The following COL7A1 variants were observed in gnomAD, a reference collection of about 807,000 sequenced individuals.
The protein encoded by COL7A1 is collagen type VII alpha 1 chain.
Under a neutral mutation model 456.2 loss-of-function variants are expected in COL7A1, and 296 were observed. The observed-to-expected ratio is 0.65, with a 90% CI of 0.59 to 0.71. COL7A1 has a LOEUF of 0.71. Among genes scored for constraint, COL7A1 ranks in the 30% least tolerant of loss-of-function variants. The pLI, the probability that COL7A1 is intolerant of heterozygous loss-of-function variation, is 0.00. For synonymous variants in COL7A1, 1,464 were observed against 1,525.9 expected, an observed-to-expected ratio of 0.96 and a Z score of 0.95; for missense variants, 3,441 against 4,017.2, an observed-to-expected ratio of 0.86 and a Z score of 3.88.
Position 48,594,357 on chromosome 3 carries a change from C to A in COL7A1, c.266+11G>T. Reference sequence around the variant, plus strand: ...ATCTCGTGGTCCCCAGCCCCCAGGGCCCCTACTCACCGTGGGTCATCGCTG... The same window carrying A: ...ATCTCGTGGTCCCCAGCCCCCAGGGACCCTACTCACCGTGGGTCATCGCTG... On this transcript the variant is annotated intron_variant, in intron 3 of 118. Coordinates refer to ENST00000681320, the MANE Select transcript of COL7A1 (RefSeq NM_000094.4). The surrounding 1 kb of genome is among the most constrained non-coding windows in gnomAD (Gnocchi z 5.5). 6.2e-7 allele frequency: 1 copy of A among 1,606,120 alleles called. No homozygotes were observed. The highest frequency in any genetic ancestry group is 8.5e-7 in the Non-Finnish European group (1 of 1,178,928).
In COL7A1 at chr3:48,575,260, G is replaced by A. The variant is rs1300449710; in HGVS notation, c.6181-18C>T. 2 of 1,613,910 alleles carry A rather than the reference G, an allele frequency of 1.2e-6. No individual in the cohort carries two copies. The highest frequency in any genetic ancestry group is 1.3e-5 in the African/African-American group (1 of 75,026). On this transcript the variant is annotated intron_variant, in intron 74 of 118. Transcript: ENST00000681320. The surrounding 1 kb of genome is among the most constrained non-coding windows in gnomAD (Gnocchi z 6.3). ...CGTTCTCCCTGAAATGCAAATAGCG[G>A]GTGAGGGCCAAGCCCATGGGGGGTC...
Position 48,567,929 on chromosome 3 carries a change from C to T in COL7A1, c.7876-38G>A, listed in dbSNP as rs1560196810. 3.7e-6 allele frequency: 6 copies of T among 1,613,282 alleles called. No individual in the cohort carries two copies. Among genetic ancestry groups the T allele is most frequent in the Non-Finnish European group, 5.1e-6 (6 of 1,179,264 alleles). On this transcript the variant is annotated intron_variant, in intron 106 of 118. Transcript: ENST00000681320. The surrounding 1 kb of genome is among the most constrained non-coding windows in gnomAD (Gnocchi z 4.3). ...AGCAGATGAAGAAGTGATTCCCAGA[C>T]ACCTCACTCTGTGACCCCCTTCACC...
In COL7A1 at chr3:48,565,298, G is replaced by A. The variant is rs921061602; in HGVS notation, c.8528-97C>T. The A allele has an allele frequency of 1.3e-5, 19 of 1,482,532 alleles. No homozygotes were observed. The highest frequency in any genetic ancestry group is 1.1e-4 in the South Asian group (9 of 85,126). 91.8% of individuals were successfully genotyped at this position (1,482,532 alleles called of 1,614,324 possible). ...CACTGTGTGCACACAGTGCCCATGC[G>A]TGTGCCCTGCATGCAGACCCTACGT... On this transcript the variant is annotated intron_variant, in intron 116 of 118. Transcript: ENST00000681320. The surrounding 1 kb of genome is among the most constrained non-coding windows in gnomAD (Gnocchi z 4.5).
rs2045696207 is a variant in COL7A1, at chr3:48,591,498, G to A, written c.1602C>T (p.Ala534=). The change falls in exon 13 of 119, where the codon GCC becomes GCT. Residue 534 remains alanine, a synonymous_variant. Coordinates refer to ENST00000681320, the MANE Select transcript of COL7A1 (RefSeq NM_000094.4). This position sits in a 1 kb window ranked among gnomAD's most constrained non-coding sequence, Gnocchi z 7.0. The part of the protein sequence containing the change: ...VRVSWSPVPG[A]TQYRIIVRST... ...TGCGCACAATGATGCGGTACTGGGTGGCACCAGGGACTGGGCTCCAGGACA... is the reference window on the plus strand; with the variant it reads ...TGCGCACAATGATGCGGTACTGGGTAGCACCAGGGACTGGGCTCCAGGACA... 1 of 1,613,934 alleles carries A rather than the reference G, an allele frequency of 6.2e-7. No individual in the cohort carries two copies. Among genetic ancestry groups the A allele is most frequent in the Admixed American group, 1.7e-5 (1 of 60,008 alleles).
intron 33 of COL7A1, 30 bp from the exon 34 acceptor site, chr3:48,584,975 C>T (rs565315115): frequency 7.4e-6 from 12 of 1,613,664 alleles, no homozygotes; most frequent in Middle Eastern, 1.7e-4. Context: ...GCAGAACAGT[C>T]GGAGCCACCC....
rs770947487 is a variant in COL7A1, at chr3:48,568,118, A to G, written c.7847T>C (p.Val2616Ala). The part of the protein sequence containing the change: ...VPGIRGEKGD[V>A]GFMGPRGLKG... Reference sequence around the variant, plus strand: ...GAGGCCCCGGGGACCCATGAAGCCAACATCTCCTTTTTCTCCTCGGATACC... The same window carrying G: ...GAGGCCCCGGGGACCCATGAAGCCAGCATCTCCTTTTTCTCCTCGGATACC... The change falls in exon 106 of 119, where the codon GTT (valine) becomes GCT (alanine). Residue 2616 changes from valine (V) to alanine (A), a missense_variant. By Grantham distance (64) the Val-to-Ala change is moderately conservative. Coordinates refer to ENST00000681320, the MANE Select transcript of COL7A1 (RefSeq NM_000094.4). The surrounding 1 kb of genome is among the most constrained non-coding windows in gnomAD (Gnocchi z 5.2). 3.1e-6 allele frequency: 5 copies of G among 1,614,074 alleles called. No individual in the cohort carries two copies. The African/African-American group carries it at 4.0e-5, about 13-fold the overall frequency.
rs1575442301 is a variant in COL7A1 at position 48,576,249 on chromosome 3, CG to C, written c.5819del (p.Pro1940ArgfsTer65). On this transcript the variant is annotated frameshift_variant and splice_region_variant, in exon 71 of 119. Transcript: ENST00000681320. LOFTEE classifies it high-confidence loss of function. The stretch of plus-strand genomic sequence containing the variant: ...AGGGGACATCCCAAGCCTGGCTCAC[CG>C]GCACACTTCCAGGCTCTCCTCGCAG... ...RGLRGEPGSV[P>X]NVDRLLETAG... 1.2e-6 allele frequency: 2 copies of C among 1,613,666 alleles called. No homozygotes were observed. The highest frequency in any genetic ancestry group is 4.5e-5 in the East Asian group (2 of 44,868).
In COL7A1 at chr3:48,578,031, G is replaced by C. The variant is rs2044440310; in HGVS notation, c.5532+290C>G. 6.6e-6 allele frequency among the ~76,000 whole-genome samples: 1 copy of C among 152,210 alleles called. No homozygotes were observed. ...AATACAAAATTAGCCAGGCATGGTG[G>C]CGCATGCCTGTAATCCCAGTTACTC... On this transcript the variant is annotated intron_variant, in intron 65 of 118. Coordinates refer to ENST00000681320, the MANE Select transcript of COL7A1 (RefSeq NM_000094.4). This position sits in a 1 kb window ranked among gnomAD's most constrained non-coding sequence, Gnocchi z 4.7.
rs2107748028 is a variant in COL7A1, at chr3:48,586,309, T to C, written c.3550+23A>G. ...AGGGCCACCCCTATTCCCAGACCCCTTCCCCATCAGCCTACTCCTTACCAG... is the reference window on the plus strand; with the variant it reads ...AGGGCCACCCCTATTCCCAGACCCCCTCCCCATCAGCCTACTCCTTACCAG... On this transcript the variant is annotated intron_variant, in intron 27 of 118. Coordinates refer to ENST00000681320, the MANE Select transcript of COL7A1 (RefSeq NM_000094.4). The surrounding 1 kb of genome is among the most constrained non-coding windows in gnomAD (Gnocchi z 5.1). 1 of 1,613,802 alleles carries C rather than the reference T, an allele frequency of 6.2e-7. No individual in the cohort carries two copies.
In COL7A1 at chr3:48,580,448, G is replaced by A. The variant is rs558077868; in HGVS notation, c.5053-104C>T. The A allele has an allele frequency of 1.6e-4, 234 of 1,474,606 alleles. 1 individual carries two copies. The highest frequency in any genetic ancestry group is 1.6e-3 in the South Asian group (134 of 84,718). 91.3% of individuals were successfully genotyped at this position (1,474,606 alleles called of 1,614,324 possible). ...GGGAATGTTGGTAGCCTTCAGATGC[G>A]TGTGTGCAGGGGTCAAAGGAAGTGA... On this transcript the variant is annotated intron_variant, in intron 55 of 118. Transcript: ENST00000681320. This position sits in a 1 kb window ranked among gnomAD's most constrained non-coding sequence, Gnocchi z 4.5.
rs1253208996 is a variant in COL7A1 at position 48,581,351 on chromosome 3, G to C, written c.4819-11C>G. ...AGGCCCTGAGTCACCCTGTGGAGGA[G>C]GCAAGAGGGAGGTGATGCAGGACGC... On this transcript the variant is annotated splice_polypyrimidine_tract_variant and intron_variant, in intron 51 of 118. Transcript: ENST00000681320. The surrounding 1 kb of genome is among the most constrained non-coding windows in gnomAD (Gnocchi z 5.8). 6.2e-7 allele frequency: 1 copy of C among 1,613,796 alleles called. No homozygotes were observed. Among genetic ancestry groups the C allele is most frequent in the South Asian group, 1.1e-5 (1 of 91,082 alleles).
Position 48,587,300 on chromosome 3 carries a change from G to A in COL7A1, c.3029C>T (p.Ser1010Leu), listed in dbSNP as rs762954932. The A allele has an allele frequency of 6.2e-7, 1 of 1,604,650 alleles. No individual in the cohort carries two copies. The highest frequency in any genetic ancestry group is 2.3e-5 in the East Asian group (1 of 44,412). The change falls in exon 24 of 119, where the codon TCA (serine) becomes TTA (leucine). Residue 1010 changes from serine (S) to leucine (L), a missense_variant. Around this residue, in one of 3 missense-constraint regions of COL7A1, gnomAD observed 444 missense variants for 427.6 expected, o/e 1.04. Transcript: ENST00000681320. The surrounding 1 kb of genome is among the most constrained non-coding windows in gnomAD (Gnocchi z 6.1). ...PGSPQTLPGI[S>L]SSQRVTGLEP... is the part of the protein sequence containing the mutation. ...TAGCCCTGTCACCCGCTGGGAGCTT[G>A]AGATCCCTGGAAGTGTCTGCGGGGA...
rs769053953 is a variant in COL7A1, at chr3:48,594,505, C to T, written c.129G>A (p.Leu43=). 3 of 1,611,788 alleles carry T rather than the reference C, an allele frequency of 1.9e-6. No individual in the cohort carries two copies. Among genetic ancestry groups the T allele is most frequent in the African/African-American group, 1.3e-5 (1 of 74,864 alleles). Residue 43 remains leucine (L), a synonymous_variant, in exon 3 of 119, where the codon CTG becomes CTA. Transcript: ENST00000681320. The surrounding 1 kb of genome is among the most constrained non-coding windows in gnomAD (Gnocchi z 5.5). ...TGCGGCCAATGGATGAGGAGCCATC[C>T]AGTAAGAACACAATGTCAGCGGCGT... ...RLYAADIVFL[L]DGSSSIGRSN...
rs1450442913 is a variant in COL7A1 at position 48,585,595 on chromosome 3, G to C, written c.3856C>G (p.Gln1286Glu). 5 of 1,613,992 alleles carry C rather than the reference G, an allele frequency of 3.1e-6. No homozygotes were observed. The highest frequency in any genetic ancestry group is 3.3e-4 in the Middle Eastern group (2 of 6,062). ...GCAGTGGCACTTCCAGGGGGCCCCTGGGGGCCGGGAGCACCGGTCCTGCCC... is the reference window on the plus strand; with the variant it reads ...GCAGTGGCACTTCCAGGGGGCCCCTCGGGGCCGGGAGCACCGGTCCTGCCC... ...LPGRTGAPGP[Q>E]GPPGSATAKG... The change falls in exon 32 of 119, where the codon CAG (glutamine) becomes GAG (glutamate). Residue 1286 changes from glutamine to glutamate, a missense_variant. This residue lies in a region of COL7A1 where 2,084 missense variants were observed against 2,501.3 expected (regional missense o/e 0.83). Transcript: ENST00000681320. This position sits in a 1 kb window ranked among gnomAD's most constrained non-coding sequence, Gnocchi z 4.5.
chr3:48,581,206 G>C lies in COL7A1; in HGVS notation c.4900-49C>G. 1 of 1,611,334 alleles carries C rather than the reference G, an allele frequency of 6.2e-7. No individual in the cohort carries two copies. The highest frequency in any genetic ancestry group is 2.2e-5 in the East Asian group (1 of 44,792). ...TGGTTCCAAGAACCCCCATGATGCT[G>C]GCAACAGCCCTACTCCCTTACCCGC... is the stretch of plus-strand genomic sequence containing the variant. On this transcript the variant is annotated intron_variant, in intron 52 of 118. Transcript: ENST00000681320. The surrounding 1 kb of genome is among the most constrained non-coding windows in gnomAD (Gnocchi z 5.8).
chr3:48,568,849 T>G lies in COL7A1; in HGVS notation c.7693A>C (p.Lys2565Gln). ...GAGCCCTTGTCACCAGGCTCTCCCT[T>G]GCTGCCCTGTGGGAGTGACCAGGAG... ...DNGDPGDKGS[K>Q]GEPGDKGSAG... Residue 2565 changes from lysine (K) to glutamine (Q), a missense_variant, in exon 104 of 119, where the codon AAG (lysine) becomes CAG (glutamine). Transcript: ENST00000681320. This position sits in a 1 kb window ranked among gnomAD's most constrained non-coding sequence, Gnocchi z 5.2. 1 of 1,574,078 alleles carries G rather than the reference T, an allele frequency of 6.4e-7. No individual in the cohort carries two copies. The highest frequency in any genetic ancestry group is 8.6e-7 in the Non-Finnish European group (1 of 1,158,424).
Position 48,585,075 on chromosome 3 carries a change from G to A in COL7A1, c.3936C>T (p.Arg1312=), listed in dbSNP as rs537152222. 2.5e-5 allele frequency: 41 copies of A among 1,612,356 alleles called. No individual in the cohort carries two copies. Among genetic ancestry groups the A allele is most frequent in the Admixed American group, 2.2e-4 (13 of 60,014 alleles). ...GADGRPGSPG[R]AGNPGTPGAP... The stretch of plus-strand genomic sequence containing the variant: ...CTCCAGGGGTCCCAGGATTCCCGGC[G>A]CGGCCAGGGCTGCCTGGACGCCCAT... Residue 1312 remains arginine, a synonymous_variant, in exon 33 of 119, where the codon CGC becomes CGT. Transcript: ENST00000681320. This position sits in a 1 kb window ranked among gnomAD's most constrained non-coding sequence, Gnocchi z 4.5.
intron 37 of COL7A1, 60 bp from the exon 38 acceptor site, chr3:48,584,121 G>A (rs2854395): frequency 0.037 from 59,224 of 1,613,630 alleles, 1,461 homozygotes; most frequent in African/African-American, 0.095. Context: ...AAGATACCAG[G>A]AGTGATGAGG....
At position 48,576,721 on chromosome 3, in the gene COL7A1, G is replaced by A; in HGVS notation, c.5655C>T (p.Pro1885=). 4.3e-6 allele frequency: 7 copies of A among 1,610,970 alleles called. No individual in the cohort carries two copies. The highest frequency in any genetic ancestry group is 5.9e-6 in the Non-Finnish European group (7 of 1,178,946). Residue 1885 remains proline, a synonymous_variant, in exon 68 of 119, where the codon CCC becomes CCT. Coordinates refer to ENST00000681320, the MANE Select transcript of COL7A1 (RefSeq NM_000094.4). The part of the protein sequence containing the change: ...GERGAPGILG[P]QGPPGLPGPV... ...GCCCTGGGAGGCCTGGAGGCCCCTG[G>A]GGTCCAAGGATACCAGGAGCTCCAC...
Sources: gnomAD v4.1 joint callset for allele counts (sites outside exome capture counted in the v4.1 genomes callset) on GRCh38, gnomAD v4.1.1 for gene constraint, gnomAD v4.1.1 regional missense constraint, Gnocchi (gnomAD v3.1) non-coding constraint, MANE v1.5 for transcripts, NCBI Gene and HGNC (gene_info 2026-07-23, HGNC 2026-07-21) for gene names.